The following OTOGL variants were observed in gnomAD, a reference collection of about 807,000 sequenced individuals.
OTOGL encodes otogelin like, also known as otogelin-like protein.
In OTOGL, 285 loss-of-function variants were observed where a neutral mutation model predicts 318.5. The ratio of observed to expected loss-of-function variants is 0.89; its 90% CI spans 0.81 to 0.99. OTOGL has a LOEUF of 0.99. Among genes scored for constraint, OTOGL ranks in the 50% least tolerant of loss-of-function variants. The probability of loss-of-function intolerance (pLI) is 0.00; values close to 1 mark genes in which losing one functional copy is unlikely to be tolerated. For missense variants in OTOGL, 2,899 were observed against 2,845.6 expected, an observed-to-expected ratio of 1.02 and a Z score of -0.43; for synonymous variants, 987 against 936.5, an observed-to-expected ratio of 1.05 and a Z score of -0.99.
rs777294814 is a variant in OTOGL, at chr12:80,343,169, G to A, written c.5265+1007G>A. Among the ~76,000 whole-genome samples, 5 of 152,180 alleles carry A rather than the reference G, an allele frequency of 3.3e-5. No individual in the cohort carries two copies. The East Asian group carries it at 5.8e-4, about 18-fold the overall frequency. On this transcript the variant is annotated intron_variant, in intron 44 of 58. Transcript: ENST00000547103. ...ATTACAGGAGTGAGCCACCGTGCCC[G>A]GCCCAGAGTTTTAGATCTTTGAATT...
intron 1 of OTOGL, among the ~76,000 whole-genome samples, chr12:80,196,850 T>C (rs372282042): frequency 3.9e-5 from 6 of 152,288 alleles, no homozygotes; most frequent in Admixed American, 6.5e-5. Context: ...GGCCAGGGCC[T>C]TCCAAATTTA....
chr12:80,363,631 T>C (rs890534651), intron 52 of OTOGL, among the ~76,000 whole-genome samples: 3 of 152,178 alleles, frequency 2.0e-5, no homozygotes, highest in Non-Finnish European at 4.4e-5. Flanking sequence ...TACTAGGTCC[T>C]TGGACAAACA....
At chr12:80,161,130 G>C (rs1331278799) in intron 1 of OTOGL, among the ~76,000 whole-genome samples, 1 of 151,868 alleles carries the variant, frequency 6.6e-6, no homozygotes, top group Non-Finnish European at 1.5e-5. Flanking sequence ...TTGCGTTCAG[G>C]GTATACTGCT....
chr12:80,262,699 T>C (rs1159641139), intron 19 of OTOGL, among the ~76,000 whole-genome samples: 1 of 152,152 alleles, frequency 6.6e-6, no homozygotes, highest in Non-Finnish European at 1.5e-5. Context: ...GCAAACCATG[T>C]TAAAGTCCAG....
intron 30 of OTOGL, among the ~76,000 whole-genome samples, chr12:80,311,587 A>G (rs1313391050): frequency 6.6e-6 from 1 of 152,114 alleles, no homozygotes; most frequent in East Asian, 1.9e-4. Context: ...TTCTATTTTT[A>G]GTAGAGACCG....
chr12:80,172,495 T>A (rs1436661703), intron 1 of OTOGL, among the ~76,000 whole-genome samples: 1 of 152,186 alleles, frequency 6.6e-6, no homozygotes, highest in East Asian at 1.9e-4. Context: ...AGGTTGGTTC[T>A]GGAGAGGTGG....
chr12:80,162,261 A>T (rs917427638), intron 1 of OTOGL, among the ~76,000 whole-genome samples: 2 of 152,198 alleles, frequency 1.3e-5, no homozygotes, highest in Non-Finnish European at 2.9e-5. Context: ...GTCATTGCTC[A>T]AGTACCATCG....
chr12:80,305,870 T>C (rs1225781000), intron 29 of OTOGL, among the ~76,000 whole-genome samples, 175 bp downstream of exon 29: 2 of 152,202 alleles, frequency 1.3e-5, no homozygotes, highest in African/African-American at 4.8e-5. Flanking sequence ...TACCTTATCA[T>C]ATAAAGGATG....
intron 37 of OTOGL, among the ~76,000 whole-genome samples, chr12:80,330,302 G>A (rs929679398): frequency 6.6e-6 from 1 of 152,154 alleles, no homozygotes; most frequent in Admixed American, 6.5e-5. Flanking sequence ...ATAGGATTAA[G>A]CATTTGTCAT....
chr12:80,208,755 A>G (rs1234828326), intron 1 of OTOGL, among the ~76,000 whole-genome samples: 4 of 152,154 alleles, frequency 2.6e-5, no homozygotes, highest in Non-Finnish European at 5.9e-5. Flanking sequence ...TTTTCTTTTC[A>G]AAGTCAAGTA....
At chr12:80,229,646 C>T (rs1361114455) in intron 8 of OTOGL, among the ~76,000 whole-genome samples, 1 of 151,690 alleles carries the variant, frequency 6.6e-6, no homozygotes, top group Non-Finnish European at 1.5e-5. Context: ...GTCTCTCTCT[C>T]TCTTTTTTTT....
At chr12:80,312,397 C>T (rs1327267515) in intron 30 of OTOGL, among the ~76,000 whole-genome samples, 1 of 152,094 alleles carries the variant, frequency 6.6e-6, no homozygotes, top group Non-Finnish European at 1.5e-5. Context: ...AAATATTTTT[C>T]AATAAAATCA....
intron 57 of OTOGL, among the ~76,000 whole-genome samples, chr12:80,374,258 C>A: frequency 6.6e-6 from 1 of 152,058 alleles, no homozygotes; most frequent in East Asian, 1.9e-4. Flanking sequence ...TGTCTAACTC[C>A]AGATTTCCAC....
At position 80,251,756 on chromosome 12, in the gene OTOGL, T is replaced by C; in HGVS notation, c.1116T>C (p.Ala372=). Residue 372 remains alanine (A), a synonymous_variant, in exon 12 of 59, where the codon GCT becomes GCC. Transcript: ENST00000547103. ...ATEYARACSH[A]GYPIQDWRDD... is the part of the protein sequence containing the mutation. Reference sequence around the variant, plus strand: ...AGTATGCTAGAGCCTGCTCTCATGCTGGCTACCCTATTCAAGACTGGAGAG... The same window carrying C: ...AGTATGCTAGAGCCTGCTCTCATGCCGGCTACCCTATTCAAGACTGGAGAG... 1 of 1,592,460 alleles carries C rather than the reference T, an allele frequency of 6.3e-7. No individual in the cohort carries two copies. The highest frequency in any genetic ancestry group is 8.6e-7 in the Non-Finnish European group (1 of 1,168,446).
At chr12:80,290,638 G>A (rs1884982346) in intron 26 of OTOGL, among the ~76,000 whole-genome samples, 2 of 152,102 alleles carry the variant, frequency 1.3e-5, no homozygotes, top group African/African-American at 4.8e-5. Flanking sequence ...GTAACACAAA[G>A]ATTCTGTGAA....
intron 9 of OTOGL, among the ~76,000 whole-genome samples, chr12:80,235,883 A>G (rs1456354959): frequency 2.0e-5 from 3 of 152,208 alleles, no homozygotes; most frequent in Non-Finnish European, 4.4e-5. Flanking sequence ...AACAACTTTG[A>G]CAAGAAACTG....
chr12:80,205,053 C>T (rs1269681585), intron 1 of OTOGL, among the ~76,000 whole-genome samples: 1 of 152,114 alleles, frequency 6.6e-6, no homozygotes, highest in South Asian at 2.1e-4. Flanking sequence ...TAGAACCACC[C>T]CTACTGCCAC....
At chr12:80,332,552 T>A (rs1361596107) in intron 37 of OTOGL, among the ~76,000 whole-genome samples, 1 of 152,196 alleles carries the variant, frequency 6.6e-6, no homozygotes, top group Admixed American at 6.5e-5. Flanking sequence ...ACATCAACAT[T>A]TATTCTGCTC....
intron 36 of OTOGL, 43 bp from the exon 37 acceptor site, chr12:80,329,008 A>G: frequency 6.6e-7 from 1 of 1,510,326 alleles, no homozygotes; most frequent in Non-Finnish European, 9.0e-7. Context: ...GTCTAATTTT[A>G]TGCAAATACA....
Sources: allele counts gnomAD v4.1 joint callset (sites outside exome capture counted in the v4.1 genomes callset), GRCh38; gene constraint gnomAD v4.1.1; transcripts MANE v1.5; gene names NCBI Gene and HGNC (gene_info 2026-07-23, HGNC 2026-07-21).